The following PPP1R16B variants were observed in gnomAD, a reference collection of about 807,000 sequenced individuals.
PPP1R16B encodes protein phosphatase 1 regulatory subunit 16B, also known as protein phosphatase 1 regulatory inhibitor subunit 16B.
PPP1R16B carries 14 observed loss-of-function variants against 61.7 expected under a neutral mutation model. The observed-to-expected ratio is 0.23, with a 90% CI of 0.15 to 0.35. The LOEUF (loss-of-function observed/expected upper bound fraction) is 0.35, where lower values mean the gene tolerates loss of function less well. Among genes scored for constraint, PPP1R16B ranks in the 10% least tolerant of loss-of-function variants. PPP1R16B has a pLI of 1.00. For missense variants in PPP1R16B, 547 were observed against 752.5 expected (o/e 0.73, Z 3.19); for synonymous variants, 266 against 305.3 (o/e 0.87, Z 1.34).
intron 2 of PPP1R16B, among the ~76,000 whole-genome samples, chr20:38,870,581 A>G (rs1360079069): frequency 6.6e-6 from 1 of 152,156 alleles, no homozygotes; most frequent in African/African-American, 2.4e-5. Context: ...AAATAGCACA[A>G]GCAGGGGCCC....
At chr20:38,840,517 C>T (rs1435424264) in intron 2 of PPP1R16B, among the ~76,000 whole-genome samples, 1 of 152,206 alleles carries the variant, frequency 6.6e-6, no homozygotes, top group East Asian at 1.9e-4. Flanking sequence ...CCCATATTCC[C>T]TGCGTTATCT....
chr20:38,871,652 G>A (rs536772592), intron 2 of PPP1R16B, among the ~76,000 whole-genome samples: 30 of 135,598 alleles, frequency 2.2e-4, no homozygotes, highest in African/African-American at 8.4e-4. Flanking sequence ...CAAAGAAAGG[G>A]GAAGGGAGGG....
chr20:38,902,863 A>G, intron 6 of PPP1R16B, 71 bp downstream of exon 6: 2 of 1,599,934 alleles, frequency 1.3e-6, no homozygotes, highest in Non-Finnish European at 1.7e-6. Context: ...GGTGGGGACC[A>G]ACCCTGTACC....
intron 4 of PPP1R16B, among the ~76,000 whole-genome samples, chr20:38,898,840 A>G (rs181286048): frequency 4.4e-4 from 67 of 151,884 alleles, no homozygotes; most frequent in Admixed American, 9.2e-4. Context: ...AACAACAACA[A>G]CAACAATCAT....
In PPP1R16B at chr20:38,920,156, T is replaced by G. The variant is rs571130921; in HGVS notation, c.*1490T>G. 8 of 152,734 alleles carry G rather than the reference T, an allele frequency of 5.2e-5. No individual in the cohort carries two copies. Among genetic ancestry groups the G allele is most frequent in the Non-Finnish European group, 1.2e-4 (8 of 68,154 alleles). The allele number at this position is 152,734 out of a possible 1,614,324, so 9.5% of individuals were successfully genotyped here. ...TCCTGGTGCTGGGGAGGGAGGACTG[T>G]GAATGGCTGTTCTCCCCTCACTGCT... On this transcript the variant is annotated 3_prime_UTR_variant, in exon 11 of 11. Transcript: ENST00000299824.
intron 2 of PPP1R16B, among the ~76,000 whole-genome samples, chr20:38,847,167 C>G (rs1325261691): frequency 6.6e-6 from 1 of 152,162 alleles, no homozygotes; most frequent in East Asian, 1.9e-4. Flanking sequence ...CCTGCTATCT[C>G]CCCACCTCAT....
chr20:38,913,903 C>A (rs1185065143), intron 10 of PPP1R16B, among the ~76,000 whole-genome samples: 1 of 152,118 alleles, frequency 6.6e-6, no homozygotes, highest in Non-Finnish European at 1.5e-5. Context: ...TTGGTTAAAT[C>A]ATTTACCGCT....
chr20:38,907,810 G>T lies in PPP1R16B; in HGVS notation c.903G>T (p.Leu301=). 1 of 1,614,150 alleles carries T rather than the reference G, an allele frequency of 6.2e-7. No individual in the cohort carries two copies. The highest frequency in any genetic ancestry group is 8.5e-7 in the Non-Finnish European group (1 of 1,180,004). Reference sequence around the variant, plus strand: ...CAGACTCCTCTGCCCCTTCAGACCTGTGCGAGGAGGAAGAGTTCAAGGTCC... The same window carrying T: ...CAGACTCCTCTGCCCCTTCAGACCTTTGCGAGGAGGAAGAGTTCAAGGTCC... ...RTSMDEMPID[L]CEEEEFKVLL... is the part of the protein sequence containing the mutation. The change falls in exon 9 of 11, where the codon CTG becomes CTT. Residue 301 remains leucine, a synonymous_variant. Coordinates refer to ENST00000299824, the MANE Select transcript of PPP1R16B (RefSeq NM_015568.4). This position sits in a 1 kb window ranked among gnomAD's most constrained non-coding sequence, Gnocchi z 4.5.
chr20:38,883,362 G>A (rs1026817310), intron 2 of PPP1R16B, among the ~76,000 whole-genome samples: 4 of 152,250 alleles, frequency 2.6e-5, no homozygotes, highest in Non-Finnish European at 4.4e-5. Flanking sequence ...GCTTGTCAGC[G>A]GTGATGTCTC....
intron 6 of PPP1R16B, among the ~76,000 whole-genome samples, chr20:38,903,171 A>G (rs1402735873): frequency 6.6e-6 from 1 of 152,138 alleles, no homozygotes; most frequent in African/African-American, 2.4e-5. Context: ...AGCCACTCTC[A>G]AGTGGGGCTT....
chr20:38,893,937 G>C (rs1384917077), intron 3 of PPP1R16B, among the ~76,000 whole-genome samples: 1 of 152,102 alleles, frequency 6.6e-6, no homozygotes, highest in Non-Finnish European at 1.5e-5. Context: ...TGAAGGCCTG[G>C]AGATGCTCAC....
chr20:38,845,110 C>T (rs1270183463), intron 2 of PPP1R16B, among the ~76,000 whole-genome samples: 1 of 152,122 alleles, frequency 6.6e-6, no homozygotes, highest in African/African-American at 2.4e-5. Context: ...CTTTCGGTGA[C>T]AAACCTAACC....
intron 3 of PPP1R16B, among the ~76,000 whole-genome samples, chr20:38,892,839 G>T (rs1004994116): frequency 6.6e-6 from 1 of 152,190 alleles, no homozygotes; most frequent in African/African-American, 2.4e-5. Context: ...ATTCAAAGCC[G>T]AGGGAATAGC....
rs1434009765 is a variant in PPP1R16B, at chr20:38,806,936, G to C, written c.-102+1144G>C. Among the ~76,000 whole-genome samples the C allele has an allele frequency of 6.6e-6, 1 of 152,178 alleles. No individual in the cohort carries two copies. Among genetic ancestry groups the C allele is most frequent in the Non-Finnish European group, 1.5e-5 (1 of 68,032 alleles). On this transcript the variant is annotated intron_variant, in intron 1 of 10. Coordinates refer to ENST00000299824, the MANE Select transcript of PPP1R16B (RefSeq NM_015568.4). This position sits in a 1 kb window ranked among gnomAD's most constrained non-coding sequence, Gnocchi z 4.5. The stretch of plus-strand genomic sequence containing the variant: ...TCAGCGCTTCTAGGAACCGAAAACC[G>C]AGCTGCCTGCGCGCCCATGTGATTG...
intron 2 of PPP1R16B, among the ~76,000 whole-genome samples, chr20:38,872,473 C>A (rs1228487576): frequency 6.6e-6 from 1 of 152,164 alleles, no homozygotes; most frequent in Non-Finnish European, 1.5e-5. Flanking sequence ...AGAGAGGAAG[C>A]TGGAGACACC....
intron 10 of PPP1R16B, among the ~76,000 whole-genome samples, chr20:38,915,155 T>C (rs1274383131): frequency 6.6e-6 from 1 of 152,230 alleles, no homozygotes; most frequent in African/African-American, 2.4e-5. Context: ...GATACATTAT[T>C]ATGAACTAAA....
At chr20:38,819,124 C>T (rs1241366071) in intron 1 of PPP1R16B, among the ~76,000 whole-genome samples, 1 of 152,156 alleles carries the variant, frequency 6.6e-6, no homozygotes, top group East Asian at 1.9e-4. Flanking sequence ...AGAGCATGGG[C>T]TTCAGTGTCA....
At chr20:38,852,044 G>GT (rs1412848496) in intron 2 of PPP1R16B, among the ~76,000 whole-genome samples, 27 of 152,186 alleles carry the variant, frequency 1.8e-4, no homozygotes, top group African/African-American at 5.8e-4. Flanking sequence ...CGCGGGGACG[G>GT]CGGGGGGGGA....
chr20:38,824,559 T>C (rs1187197811), intron 1 of PPP1R16B, among the ~76,000 whole-genome samples: 1 of 152,236 alleles, frequency 6.6e-6, no homozygotes, highest in Non-Finnish European at 1.5e-5. Flanking sequence ...CCACACTGGC[T>C]ATGCACTTAA....
Sources: gnomAD v4.1 joint callset for allele counts (sites outside exome capture counted in the v4.1 genomes callset) on GRCh38, gnomAD v4.1.1 for gene constraint, Gnocchi (gnomAD v3.1) non-coding constraint, MANE v1.5 for transcripts, NCBI Gene and HGNC (gene_info 2026-07-23, HGNC 2026-07-21) for gene names.